The following FBXL6 variants were observed in gnomAD, a reference collection of about 807,000 sequenced individuals.
FBXL6 encodes F-box and leucine rich repeat protein 6.
FBXL6 carries 50 observed loss-of-function variants against 53.3 expected under a neutral mutation model. The ratio of observed to expected loss-of-function variants is 0.94; its 90% CI spans 0.75 to 1.19. The LOEUF is 1.19. Among genes scored for constraint, FBXL6 ranks in the 50% most tolerant of loss-of-function variants. The pLI, the probability that FBXL6 is intolerant of heterozygous loss-of-function variation, is 0.00. For synonymous variants in FBXL6, 405 were observed against 322.9 expected (o/e 1.25, Z -2.73); for missense variants, 815 against 719.0 (o/e 1.13, Z -1.53).
In FBXL6 at chr8:144,356,435, C is replaced by G. The variant is rs782308590; in HGVS notation, c.1090G>C (p.Ala364Pro). ...CTCACAAAGTTGCAGGTTGAGCTCGCCAGGCAGAGCTCCTCTAGGCTAGGG... is the reference window on the plus strand; with the variant it reads ...CTCACAAAGTTGCAGGTTGAGCTCGGCAGGCAGAGCTCCTCTAGGCTAGGG... ...GFPSLEELCL[A>P]SSTCNFVSNE... The change falls in exon 7 of 9, where the codon GCG (alanine) becomes CCG (proline). Residue 364 changes from alanine to proline, a missense_variant. By Grantham distance (27) the Ala-to-Pro change is conservative. Transcript: ENST00000331890. The G allele has an allele frequency of 2.5e-6, 4 of 1,613,062 alleles. No individual in the cohort carries two copies. In the Admixed American group the frequency reaches 6.7e-5, roughly 27 times the overall value.
chr8:144,355,957 G>A lies in FBXL6; in HGVS notation c.1472+11C>T, dbSNP rs782088021. 3.7e-6 allele frequency: 6 copies of A among 1,610,610 alleles called. No homozygotes were observed. Among genetic ancestry groups the A allele is most frequent in the Non-Finnish European group, 4.2e-6 (5 of 1,178,326 alleles). On this transcript the variant is annotated intron_variant, in intron 8 of 8. Transcript: ENST00000331890. ...ACACTGGCTCCAGGGACTGGGGTAG[G>A]GGATGCTGACCTGACAGTGCTTGGT...
rs781967655 is a variant in FBXL6 at position 144,356,003 on chromosome 8, G to A, written c.1437C>T (p.Asn479=). The A allele has an allele frequency of 3.1e-6, 5 of 1,613,124 alleles. No individual in the cohort carries two copies. The South Asian group carries it at 3.3e-5, about 11-fold the overall frequency. ...GGSHPALCSL[N]LRGTRVTPST... is the part of the protein sequence containing the mutation. ...TTGGTGTGACCCGGGTGCCCCTGAG[G>A]TTAAGAGAGCACAGGGCTGGGTGTG... The change falls in exon 8 of 9, where the codon AAC becomes AAT. Residue 479 remains asparagine, a synonymous_variant. Transcript: ENST00000331890.
rs782082942 is a variant in FBXL6 at position 144,355,549 on chromosome 8, G to A, written c.1602C>T (p.Thr534=). ...EVQWCLEQLL[T]SPSPS ...TGGCTGCCTAGCTGGGTGAGGGGCT[G>A]GTGAGCAGCTGCTCCAGACACCACT... Residue 534 remains threonine (T), a synonymous_variant, in exon 9 of 9, where the codon ACC becomes ACT. Coordinates refer to ENST00000331890, the MANE Select transcript of FBXL6 (RefSeq NM_012162.4). 1 of 1,610,656 alleles carries A rather than the reference G, an allele frequency of 6.2e-7. No individual in the cohort carries two copies. The highest frequency in any genetic ancestry group is 1.7e-5 in the Admixed American group (1 of 60,000).
rs782424635 is a variant in FBXL6 at position 144,357,542 on chromosome 8, A to C, written c.576-40T>G. On this transcript the variant is annotated intron_variant, in intron 2 of 8. Transcript: ENST00000331890. ...GAGGCAGAGCTGCACTAATGTTCCC[A>C]CACGAGTCCTTCCCACCCAACACCT... 7 of 1,612,772 alleles carry C rather than the reference A, an allele frequency of 4.3e-6. No homozygotes were observed. The East Asian group carries it at 6.7e-5, about 15-fold the overall frequency.
chr8:144,356,858 A>C lies in FBXL6; in HGVS notation c.829T>G (p.Leu277Val), dbSNP rs1554852950. Residue 277 changes from leucine (L) to valine (V), a missense_variant, in exon 5 of 9, where the codon TTG becomes GTG. Transcript: ENST00000331890. ...LEEAGSRMRK[L>V]WLTYSSQTTA... ...GTCTGGGAGCTGTAGGTCAGCCACA[A>C]CTTGCGCATTCGGGACCCTGCCTCC... is the stretch of plus-strand genomic sequence containing the variant. 3 of 1,613,342 alleles carry C rather than the reference A, an allele frequency of 1.9e-6. No homozygotes were observed. Among genetic ancestry groups the C allele is most frequent in the Middle Eastern group, 3.3e-4 (2 of 6,062 alleles).
In FBXL6 at chr8:144,357,784, G is replaced by A. The variant is rs782600767; in HGVS notation, c.419C>T (p.Ala140Val). 8.3e-6 allele frequency: 13 copies of A among 1,558,250 alleles called. 1 individual carries two copies. The highest frequency in any genetic ancestry group is 3.7e-5 in the Admixed American group (2 of 53,470). ...CTGCCAGCGGCGGCACACGCGCGCAGCCCTGGGAGGACAGCGTGCTGAGGG... is the reference window on the plus strand; with the variant it reads ...CTGCCAGCGGCGGCACACGCGCGCAACCCTGGGAGGACAGCGTGCTGAGGG... ...ADGPMPFLGRAARVCRRWQEA... is the reference protein window; with the variant it reads ...ADGPMPFLGRVARVCRRWQEA... The change falls in exon 2 of 9, where the codon GCT becomes GTT. Residue 140 changes from alanine (A) to valine (V), a missense_variant and splice_region_variant. Ala to Val is a moderately conservative substitution (Grantham distance 64, BLOSUM62 0). Coordinates refer to ENST00000331890, the MANE Select transcript of FBXL6 (RefSeq NM_012162.4).
In FBXL6 at chr8:144,356,455, C is replaced by T. The variant is rs782061546; in HGVS notation, c.1070G>A (p.Ser357Asn). 2 of 1,612,852 alleles carry T rather than the reference C, an allele frequency of 1.2e-6. No individual in the cohort carries two copies. The highest frequency in any genetic ancestry group is 8.5e-7 in the Non-Finnish European group (1 of 1,180,024). Residue 357 changes from serine (S) to asparagine (N), a missense_variant, in exon 7 of 9, where the codon AGC becomes AAC. Physicochemically the swap from Ser to Asn is conservative, Grantham distance 46. Transcript: ENST00000331890. Reference protein sequence around the residue: ...RGVAPGPGFPSLEELCLASST... With the variant: ...RGVAPGPGFPNLEELCLASST... ...GCTCGCCAGGCAGAGCTCCTCTAGG[C>T]TAGGGAAGCCTGGTCCGGGAGCCAC... is the stretch of plus-strand genomic sequence containing the variant.
In FBXL6 at chr8:144,355,434, T is replaced by TAA. The variant is rs1818353608; in HGVS notation, c.*95_*96dup. Reference sequence around the variant, plus strand: ...CTGAGGACCACACACACAGAACTCCTAAAAATGTTTTATTTTAACAAAATG... The same window carrying TAA: ...CTGAGGACCACACACACAGAACTCCTAAAAAAATGTTTTATTTTAACAAAATG... On this transcript the variant is annotated 3_prime_UTR_variant, in exon 9 of 9. Coordinates refer to ENST00000331890, the MANE Select transcript of FBXL6 (RefSeq NM_012162.4). 1 of 1,542,596 alleles carries TAA rather than the reference T, an allele frequency of 6.5e-7. No homozygotes were observed. The highest frequency in any genetic ancestry group is 1.4e-5 in the African/African-American group (1 of 73,392).
At chr8:144,355,815 T>C in intron 8 of FBXL6, 137 bp from the exon 9 acceptor site, 2 of 1,516,068 alleles carry the variant, frequency 1.3e-6, no homozygotes, top group African/African-American at 2.7e-5. Flanking sequence ...GTTCCCCTGG[T>C]GTCCTCAGGC....
At position 144,355,631 on chromosome 8, in the gene FBXL6, G is replaced by A. The variant is rs1554852565; in HGVS notation, c.1520C>T (p.Ser507Phe). Residue 507 changes from serine to phenylalanine, a missense_variant, in exon 9 of 9, where the codon TCC (serine) becomes TTC (phenylalanine). Ser to Phe is a radical substitution (Grantham distance 155). Coordinates refer to ENST00000331890, the MANE Select transcript of FBXL6 (RefSeq NM_012162.4). ...CPGLLYLNLE[S>F]CRCLPRGLKR... ...CAGACCCCGGGGAAGGCAGCGGCAGGACTCCAGGTTGAGGTAGAGCAGGCC... is the reference window on the plus strand; with the variant it reads ...CAGACCCCGGGGAAGGCAGCGGCAGAACTCCAGGTTGAGGTAGAGCAGGCC... The A allele has an allele frequency of 3.1e-6, 5 of 1,611,098 alleles. No individual in the cohort carries two copies. Among genetic ancestry groups the A allele is most frequent in the Non-Finnish European group, 4.2e-6 (5 of 1,179,828 alleles).
Position 144,355,683 on chromosome 8 carries a change from G to A in FBXL6, c.1473-5C>T. ...GGGCAGCCGCTGATCACAGAGCTGT[G>A]GGGAGGGCAGACCACAGGAAGTTGA... is the stretch of plus-strand genomic sequence containing the variant. On this transcript the variant is annotated splice_region_variant and splice_polypyrimidine_tract_variant and intron_variant, in intron 8 of 8. Transcript: ENST00000331890. 2 of 1,609,948 alleles carry A rather than the reference G, an allele frequency of 1.2e-6. No homozygotes were observed. Among genetic ancestry groups the A allele is most frequent in the Non-Finnish European group, 1.7e-6 (2 of 1,179,290 alleles).
chr8:144,358,315 T>C lies in FBXL6; in HGVS notation c.133A>G (p.Met45Val), dbSNP rs782448687. 4 of 1,263,048 alleles carry C rather than the reference T, an allele frequency of 3.2e-6. No individual in the cohort carries two copies. The highest frequency in any genetic ancestry group is 4.0e-6 in the Non-Finnish European group (4 of 1,005,526). The allele number at this position is 1,263,048 out of a possible 1,614,324, so 78.2% of individuals were successfully genotyped here. The change falls in exon 1 of 9, where the codon ATG (methionine) becomes GTG (valine). Residue 45 changes from methionine to valine, a missense_variant. Physicochemically the swap from Met to Val is conservative, Grantham distance 21. Coordinates refer to ENST00000331890, the MANE Select transcript of FBXL6 (RefSeq NM_012162.4). ...SGYHLLQSDS[M>V]LLVLSEPGPA... is the part of the protein sequence containing the mutation. ...CCGGGTTCGGACAGCACCAGCAGCA[T>C]GCTGTCGGACTGCAGCAGGTGGTAC...
chr8:144,355,598 G>A lies in FBXL6; in HGVS notation c.1553C>T (p.Ala518Val), dbSNP rs781970557. ...CTGGACTTCCTCCAGGCCCCGGTAG[G>A]CCCGCTTCAGACCCCGGGGAAGGCA... ...CRCLPRGLKRAYRGLEEVQWC... is the reference protein window; with the variant it reads ...CRCLPRGLKRVYRGLEEVQWC... The change falls in exon 9 of 9, where the codon GCC (alanine) becomes GTC (valine). Residue 518 changes from alanine to valine, a missense_variant. Physicochemically the swap from Ala to Val is moderately conservative, Grantham distance 64. Coordinates refer to ENST00000331890, the MANE Select transcript of FBXL6 (RefSeq NM_012162.4). 2.5e-6 allele frequency: 4 copies of A among 1,611,190 alleles called. No homozygotes were observed. Among genetic ancestry groups the A allele is most frequent in the Non-Finnish European group, 3.4e-6 (4 of 1,179,942 alleles).
rs868959251 is a variant in FBXL6, at chr8:144,357,035, G to A, written c.726C>T (p.Ala242=). The A allele has an allele frequency of 6.2e-7, 1 of 1,613,036 alleles. No individual in the cohort carries two copies. Among genetic ancestry groups the A allele is most frequent in the Non-Finnish European group, 8.5e-7 (1 of 1,180,024 alleles). Residue 242 remains alanine, a synonymous_variant, in exon 4 of 9, where the codon GCC becomes GCT. Coordinates refer to ENST00000331890, the MANE Select transcript of FBXL6 (RefSeq NM_012162.4). ...GVTADALVML[A]KACCQLHSLD... ...GGCTATGGAGCTGGCAGCAGGCTTT[G>A]GCTAGCATGACCAGAGCGTCAGCAG...
Position 144,357,090 on chromosome 8 carries a change from A to T in FBXL6, c.671T>A (p.Phe224Tyr). Reference protein sequence around the residue: ...LVGECCPRLTFLKLSGCHGVT... With the variant: ...LVGECCPRLTYLKLSGCHGVT... ...ACCGTGGCAGCCGGAGAGCTTGAGG[A>T]AAGTGAGCCGAGGACAGCACTCACC... is the stretch of plus-strand genomic sequence containing the variant. The change falls in exon 4 of 9, where the codon TTC becomes TAC. Residue 224 changes from phenylalanine (F) to tyrosine (Y), a missense_variant. Physicochemically the swap from Phe to Tyr is conservative, Grantham distance 22. Coordinates refer to ENST00000331890, the MANE Select transcript of FBXL6 (RefSeq NM_012162.4). The T allele has an allele frequency of 6.2e-7, 1 of 1,612,928 alleles. No homozygotes were observed. The highest frequency in any genetic ancestry group is 8.5e-7 in the Non-Finnish European group (1 of 1,180,012).
Position 144,357,701 on chromosome 8 carries a change from C to T in FBXL6, c.502G>A (p.Gly168Ser), listed in dbSNP as rs782655179. The T allele has an allele frequency of 1.2e-6, 2 of 1,610,318 alleles. No homozygotes were observed. The highest frequency in any genetic ancestry group is 1.1e-5 in the South Asian group (1 of 90,880). ...HTVTLSSPLV[G>S]RPAKGGVKAE... ...TTGACCCCGCCCTTGGCAGGCCGGC[C>T]GACCAGCGGGGACGACAGGGTCACG... Residue 168 changes from glycine (G) to serine (S), a missense_variant, in exon 2 of 9, where the codon GGC (glycine) becomes AGC (serine). Transcript: ENST00000331890.
Position 144,355,615 on chromosome 8 carries a change from G to A in FBXL6, c.1536C>T (p.Pro512=). The A allele has an allele frequency of 6.2e-7, 1 of 1,611,318 alleles. No individual in the cohort carries two copies. The highest frequency in any genetic ancestry group is 1.1e-5 in the South Asian group (1 of 91,004). ...YLNLESCRCL[P]RGLKRAYRGL... Reference sequence around the variant, plus strand: ...CCCGGTAGGCCCGCTTCAGACCCCGGGGAAGGCAGCGGCAGGACTCCAGGT... The same window carrying A: ...CCCGGTAGGCCCGCTTCAGACCCCGAGGAAGGCAGCGGCAGGACTCCAGGT... Residue 512 remains proline (P), a synonymous_variant, in exon 9 of 9, where the codon CCC becomes CCT. Coordinates refer to ENST00000331890, the MANE Select transcript of FBXL6 (RefSeq NM_012162.4).
In FBXL6 at chr8:144,356,717, C is replaced by T; in HGVS notation, c.880-4G>A. 1.2e-6 allele frequency: 2 copies of T among 1,611,678 alleles called. No individual in the cohort carries two copies. Among genetic ancestry groups the T allele is most frequent in the Non-Finnish European group, 1.7e-6 (2 of 1,179,590 alleles). On this transcript the variant is annotated splice_polypyrimidine_tract_variant and splice_region_variant and intron_variant, in intron 5 of 8. Transcript: ENST00000331890. Reference sequence around the variant, plus strand: ...GGAGCTGGGGGCAGCAGCTGCCCTGCAGAGATGGGGGGAGGGGGTAGGTCA... The same window carrying T: ...GGAGCTGGGGGCAGCAGCTGCCCTGTAGAGATGGGGGGAGGGGGTAGGTCA...
intron 1 of FBXL6, 122 bp downstream of exon 1, chr8:144,357,910 C>T: frequency 1.4e-6 from 2 of 1,440,734 alleles, no homozygotes; most frequent in Non-Finnish European, 1.8e-6. Flanking sequence ...TAAGGGGCTG[C>T]GCTCTCGGAC....
Sources: allele counts gnomAD v4.1 joint callset, GRCh38; gene constraint gnomAD v4.1.1; transcripts MANE v1.5; gene names NCBI Gene and HGNC (gene_info 2026-07-23, HGNC 2026-07-21).